The following ANKH variants were observed in gnomAD, a reference collection of about 807,000 sequenced individuals.
ANKH encodes the protein ANKH inorganic pyrophosphate transport regulator.
Under a neutral mutation model 49.0 loss-of-function variants are expected in ANKH, and 15 were observed. The ratio of observed to expected loss-of-function variants is 0.31; its 90% confidence interval spans 0.20 to 0.47. The LOEUF is 0.47. Ranked by LOEUF, ANKH falls within the 20% of genes least tolerant of loss-of-function variation. The probability of loss-of-function intolerance (pLI) is 1.00; values close to 1 mark genes in which losing one functional copy is unlikely to be tolerated. For synonymous variants in ANKH, 273 were observed against 260.0 expected (o/e 1.05, Z -0.48); for missense variants, 429 against 652.0 (o/e 0.66, Z 3.72).
chr5:14,768,765 C>G, intron 2 of ANKH: 1 of 610,144 alleles, frequency 1.6e-6, no homozygotes, highest in Non-Finnish European at 2.9e-6. Flanking sequence ...CTTTGGGAAT[C>G]AGAGACACAA....
At chr5:14,806,796 AATCTCTGAACT>A (rs1740721585) in intron 1 of ANKH, among the ~76,000 whole-genome samples, 1 of 152,204 alleles carries the variant, frequency 6.6e-6, no homozygotes, top group African/African-American at 2.4e-5. Context: ...AGACACAATG[AATCTCTGAACT>A]GATGCCTATG....
chr5:14,777,164 T>A (rs1739652857), intron 1 of ANKH, among the ~76,000 whole-genome samples: 1 of 152,154 alleles, frequency 6.6e-6, no homozygotes, highest in Non-Finnish European at 1.5e-5. Flanking sequence ...GGGGCACCTG[T>A]AATTCCAGCT....
chr5:14,819,379 C>A (rs549299963), intron 1 of ANKH, among the ~76,000 whole-genome samples: 1 of 152,220 alleles, frequency 6.6e-6, no homozygotes, highest in Non-Finnish European at 1.5e-5. Context: ...AAATCTGCGG[C>A]GAGGGCCTGG....
chr5:14,860,427 G>C (rs58486192), intron 1 of ANKH, among the ~76,000 whole-genome samples: 2,880 of 152,266 alleles, frequency 0.019, 96 homozygotes, highest in African/African-American at 0.066. Flanking sequence ...AAAATGTCAA[G>C]TTTAGGCCAC....
At position 14,802,757 on chromosome 5, in the gene ANKH, A is replaced by G. The variant is rs537090096; in HGVS notation, c.97-33566T>C. Among the ~76,000 whole-genome samples the G allele has an allele frequency of 4.6e-5, 7 of 151,820 alleles. No individual in the cohort carries two copies. The South Asian group carries it at 1.5e-3, about 32-fold the overall frequency. On this transcript the variant is annotated intron_variant, in intron 1 of 11. Coordinates refer to ENST00000284268, the MANE Select transcript of ANKH (RefSeq NM_054027.6). ...CTGCTCCTACACATCCCTCGTCTCA[A>G]TGTCAGCTCCTCTGAAGCCTTTCTC...
chr5:14,847,233 A>G (rs1741990163), intron 1 of ANKH, among the ~76,000 whole-genome samples: 1 of 152,154 alleles, frequency 6.6e-6, no homozygotes, highest in South Asian at 2.1e-4. Flanking sequence ...AAAAGTTGGC[A>G]CCTCAAAGTG....
chr5:14,728,419 G>C lies in ANKH; in HGVS notation c.1012-11584C>G, dbSNP rs150061499. ...ACTGTGAGGGGCACCAAATGAGAAA[G>C]TGTTGAATTCCATTAATTCACCTTT... On this transcript the variant is annotated intron_variant, in intron 8 of 11. Coordinates refer to ENST00000284268, the MANE Select transcript of ANKH (RefSeq NM_054027.6). Among the ~76,000 whole-genome samples the C allele has an allele frequency of 9.4e-4, 143 of 152,352 alleles. 1 individual carries two copies. The highest frequency in any genetic ancestry group is 3.2e-3 in the African/African-American group (135 of 41,600).
intron 8 of ANKH, among the ~76,000 whole-genome samples, chr5:14,732,940 G>A (rs1380961561): frequency 6.6e-6 from 1 of 152,184 alleles, no homozygotes; most frequent in Non-Finnish European, 1.5e-5. Flanking sequence ...GCAGTTAGAT[G>A]TCATGAGAGC....
At chr5:14,803,958 C>T (rs186559098) in intron 1 of ANKH, among the ~76,000 whole-genome samples, 17 of 152,218 alleles carry the variant, frequency 1.1e-4, no homozygotes, top group Admixed American at 2.6e-4. Flanking sequence ...TGCAACGGCG[C>T]GGTATCTGCT....
chr5:14,806,937 A>T (rs925002496), intron 1 of ANKH, among the ~76,000 whole-genome samples: 1 of 152,214 alleles, frequency 6.6e-6, no homozygotes, highest in African/African-American at 2.4e-5. Flanking sequence ...GTAGTTGTCA[A>T]AAGTTCAGAA....
intron 8 of ANKH, among the ~76,000 whole-genome samples, chr5:14,721,350 T>C (rs1412610869): frequency 6.6e-6 from 1 of 152,158 alleles, no homozygotes; most frequent in African/African-American, 2.4e-5. Context: ...CTTCTTCAGT[T>C]TTCAACCACA....
At chr5:14,746,025 G>T in intron 6 of ANKH, 63 bp from the exon 7 acceptor site, 1 of 1,390,500 alleles carries the variant, frequency 7.2e-7, no homozygotes, top group Non-Finnish European at 1.0e-6. Flanking sequence ...AGGAGCTACA[G>T]TAGGTGACGA....
chr5:14,751,644 G>C (rs1738722855), intron 4 of ANKH, among the ~76,000 whole-genome samples: 1 of 152,200 alleles, frequency 6.6e-6, no homozygotes, highest in East Asian at 1.9e-4. Flanking sequence ...CAAACCGAGA[G>C]ATTTTTTGTA....
In ANKH at chr5:14,705,767, G is replaced by T. The variant is rs1266085760; in HGVS notation, c.*5430C>A. Reference sequence around the variant, plus strand: ...ACATGACCATCGCTGTGGGGTGCTGGGTGATTGGTGTTGATGTGTACCCTG... The same window carrying T: ...ACATGACCATCGCTGTGGGGTGCTGTGTGATTGGTGTTGATGTGTACCCTG... On this transcript the variant is annotated 3_prime_UTR_variant, in exon 12 of 12. Transcript: ENST00000284268. 1 of 152,810 alleles carries T rather than the reference G, an allele frequency of 6.5e-6. No individual in the cohort carries two copies. Among genetic ancestry groups the T allele is most frequent in the African/African-American group, 2.4e-5 (1 of 41,448 alleles). The allele number at this position is 152,810 out of a possible 1,614,324, so 9.5% of individuals were successfully genotyped here. A position where few individuals can be genotyped will look rare whatever the true frequency, so the allele number is the denominator to read the frequency against.
At chr5:14,733,843 T>G (rs1019770049) in intron 8 of ANKH, among the ~76,000 whole-genome samples, 4 of 152,240 alleles carry the variant, frequency 2.6e-5, no homozygotes, top group Non-Finnish European at 4.4e-5. Context: ...GCGCCACATC[T>G]TTGCTTTCTC....
intron 9 of ANKH, among the ~76,000 whole-genome samples, chr5:14,714,234 C>T (rs1737356535): frequency 6.6e-6 from 1 of 152,210 alleles, no homozygotes; most frequent in South Asian, 2.1e-4. Context: ...ATGGTGTGGG[C>T]CCTCGTTGGT....
chr5:14,713,461 C>T lies in ANKH; in HGVS notation c.1265+83G>A. The T allele has an allele frequency of 1.3e-6, 2 of 1,566,762 alleles. No homozygotes were observed. Among genetic ancestry groups the T allele is most frequent in the South Asian group, 1.1e-5 (1 of 87,214 alleles). On this transcript the variant is annotated intron_variant, in intron 10 of 11. Transcript: ENST00000284268. The surrounding 1 kb of genome is among the most constrained non-coding windows in gnomAD (Gnocchi z 4.4). The stretch of plus-strand genomic sequence containing the variant: ...ATTCTAGACGTGCCTGGGGATTTCC[C>T]CTGAAAATGTAGCTGTTAAACCTCT...
intron 1 of ANKH, among the ~76,000 whole-genome samples, chr5:14,769,419 A>G (rs902545204): frequency 6.6e-6 from 1 of 152,254 alleles, no homozygotes; most frequent in African/African-American, 2.4e-5. Context: ...TGCAGTTAAA[A>G]TAATAGCAAA....
intron 1 of ANKH, chr5:14,797,382 T>C (rs879160344): frequency 1.2e-5 from 19 of 1,610,788 alleles, no homozygotes; most frequent in Middle Eastern, 2.0e-4. Context: ...ATTCGGTCTG[T>C]GATCAGTACC....
Sources: allele counts gnomAD v4.1 joint callset (sites outside exome capture counted in the v4.1 genomes callset), GRCh38; gene constraint gnomAD v4.1.1; non-coding constraint Gnocchi (gnomAD v3.1); transcripts MANE v1.5; gene names NCBI Gene and HGNC (gene_info 2026-07-23, HGNC 2026-07-21).